Variants in PTPRD observed in about 807,000 individuals in gnomAD.
PTPRD encodes the protein protein tyrosine phosphatase receptor type D.
In PTPRD, 34 loss-of-function variants were observed where a neutral mutation model predicts 214.5. The ratio of observed to expected loss-of-function variants is 0.16; its 90% CI spans 0.12 to 0.21. The LOEUF (loss-of-function observed/expected upper bound fraction) is 0.21, where lower values mean the gene tolerates loss of function less well. Among genes scored for constraint, PTPRD ranks in the 10% least tolerant of loss-of-function variants. The probability of loss-of-function intolerance (pLI) is 1.00; values close to 1 mark genes in which losing one functional copy is unlikely to be tolerated. For synonymous variants in PTPRD, 1,128 were observed against 845.7 expected (o/e 1.33, Z -5.79); for missense variants, 2,545 against 2,398.7 (o/e 1.06, Z -1.27).
At position 8,353,964 on chromosome 9, in the gene PTPRD, GT is replaced by G. The variant is rs35377231; in HGVS notation, c.4662-11987del. On this transcript the variant is annotated intron_variant, in intron 39 of 45. Coordinates refer to ENST00000381196, the MANE Select transcript of PTPRD (RefSeq NM_002839.4). ...TATATATATATATATATATATATATGTTTTTTTTTTTTTGAGAAGGAGTCTC... is the reference window on the plus strand; with the variant it reads ...TATATATATATATATATATATATATGTTTTTTTTTTTTGAGAAGGAGTCTC... 2.5e-3 allele frequency among the ~76,000 whole-genome samples: 70 copies of G among 28,256 alleles called. 9 individuals are homozygous for G. The highest frequency in any genetic ancestry group is 2.4e-3 in the Non-Finnish European group (23 of 9,482). 18.5% of individuals were successfully genotyped at this position (28,256 alleles called of 152,430 possible).
intron 34 of PTPRD, among the ~76,000 whole-genome samples, chr9:8,437,541 T>C (rs1353471860): frequency 1.3e-5 from 2 of 152,156 alleles, no homozygotes; most frequent in African/African-American, 4.8e-5. Flanking sequence ...TTCAAAAATG[T>C]TTCCACTAGT....
chr9:10,266,566 T>A (rs2094073222), intron 3 of PTPRD, among the ~76,000 whole-genome samples: 1 of 152,186 alleles, frequency 6.6e-6, no homozygotes, highest in Non-Finnish European at 1.5e-5. Context: ...ATGGTATTAT[T>A]TTTACTGTAA....
chr9:8,662,814 A>T (rs2097091089), intron 12 of PTPRD, among the ~76,000 whole-genome samples: 1 of 152,160 alleles, frequency 6.6e-6, no homozygotes, highest in Non-Finnish European at 1.5e-5. Flanking sequence ...TTCTGAAAAC[A>T]ACTGTTTTAA....
chr9:10,106,458 G>A (rs529735193), intron 3 of PTPRD, among the ~76,000 whole-genome samples: 3 of 152,022 alleles, frequency 2.0e-5, no homozygotes, highest in East Asian at 3.9e-4. Flanking sequence ...GAAATGGTAT[G>A]CATAAAGAGG....
intron 12 of PTPRD, among the ~76,000 whole-genome samples, chr9:8,666,827 T>C (rs967610456): frequency 6.6e-6 from 1 of 152,152 alleles, no homozygotes; most frequent in African/African-American, 2.4e-5. Flanking sequence ...GATTCAACAA[T>C]ACATATCACT....
intron 2 of PTPRD, among the ~76,000 whole-genome samples, chr9:10,525,564 G>T (rs1305026254): frequency 2.6e-5 from 4 of 152,060 alleles, no homozygotes; most frequent in African/African-American, 9.7e-5. Context: ...TTTGCTTCTT[G>T]CTTTAGGCAA....
intron 12 of PTPRD, among the ~76,000 whole-genome samples, chr9:8,723,871 C>G (rs1184733252): frequency 6.6e-6 from 1 of 152,098 alleles, no homozygotes; most frequent in East Asian, 1.9e-4. Context: ...AGATTGTGTG[C>G]TATTTTTTAA....
chr9:10,533,394 T>C (rs892047184), intron 2 of PTPRD, among the ~76,000 whole-genome samples: 3 of 152,128 alleles, frequency 2.0e-5, no homozygotes, highest in Non-Finnish European at 4.4e-5. Context: ...AAAATATTCT[T>C]ATATTGTGTC....
intron 15 of PTPRD, 130 bp downstream of exon 15, chr9:8,528,461 C>A: frequency 2.5e-6 from 2 of 815,198 alleles, no homozygotes; most frequent in Non-Finnish European, 4.0e-6. Flanking sequence ...CATTAAGTAA[C>A]AGAGAAAGAG....
At position 8,587,476 on chromosome 9, in the gene PTPRD, G is replaced by T. The variant is rs994087710; in HGVS notation, c.352+45841C>A. Among the ~76,000 whole-genome samples, 186 of 152,278 alleles carry T rather than the reference G, an allele frequency of 1.2e-3. 1 individual carries two copies. Among genetic ancestry groups the T allele is most frequent in the African/African-American group, 3.8e-3 (160 of 41,566 alleles). ...CATATTGGCTTCTGCCACCGTTGTA[G>T]TTAAACAAACTTGTAGAATTCGAAA... On this transcript the variant is annotated intron_variant, in intron 14 of 45. Coordinates refer to ENST00000381196, the MANE Select transcript of PTPRD (RefSeq NM_002839.4).
rs574493845 is a variant in PTPRD, at chr9:8,689,207, T to C, written c.64+44573A>G. ...CACCTCTAATTGATACCAATATCAT[T>C]ATTAAAAAATAAAAATAAAAAATAA... On this transcript the variant is annotated intron_variant, in intron 12 of 45. Coordinates refer to ENST00000381196, the MANE Select transcript of PTPRD (RefSeq NM_002839.4). Among the ~76,000 whole-genome samples the C allele has an allele frequency of 1.6e-4, 25 of 152,290 alleles. No homozygotes were observed. The South Asian group carries it at 2.7e-3, about 16-fold the overall frequency.
chr9:9,587,286 T>C (rs566225561), intron 7 of PTPRD, among the ~76,000 whole-genome samples: 3 of 152,058 alleles, frequency 2.0e-5, no homozygotes, highest in African/African-American at 7.2e-5. Flanking sequence ...ATGTGCACAT[T>C]ACATGTGTTT....
At chr9:9,735,503 A>C (rs1468709444) in intron 6 of PTPRD, among the ~76,000 whole-genome samples, 1 of 152,082 alleles carries the variant, frequency 6.6e-6, no homozygotes, top group Non-Finnish European at 1.5e-5. Flanking sequence ...TGTGCATATG[A>C]ATATGTGTCT....
chr9:8,741,343 T>G (rs1164415482), intron 11 of PTPRD, among the ~76,000 whole-genome samples: 1 of 152,180 alleles, frequency 6.6e-6, no homozygotes, highest in Non-Finnish European at 1.5e-5. Context: ...ATGTCATAGC[T>G]TCTATCTAGT....
At chr9:10,142,975 G>C (rs1175222343) in intron 3 of PTPRD, among the ~76,000 whole-genome samples, 3 of 151,912 alleles carry the variant, frequency 2.0e-5, no homozygotes, top group Non-Finnish European at 4.4e-5. Flanking sequence ...GTCCTTTGTA[G>C]GGACATGGAT....
intron 11 of PTPRD, among the ~76,000 whole-genome samples, chr9:8,991,352 T>C (rs1302624249): frequency 6.6e-6 from 1 of 152,070 alleles, no homozygotes; most frequent in African/African-American, 2.4e-5. Flanking sequence ...CTATCTTTTG[T>C]TATAGGAGTG....
At chr9:10,284,885 T>C (rs1048870413) in intron 3 of PTPRD, among the ~76,000 whole-genome samples, 1 of 152,286 alleles carries the variant, frequency 6.6e-6, no homozygotes, top group Non-Finnish European at 1.5e-5. Context: ...ATGTAAGGAA[T>C]TGAGATTCAT....
intron 6 of PTPRD, among the ~76,000 whole-genome samples, chr9:9,735,597 C>T (rs2098278659): frequency 6.6e-6 from 1 of 152,044 alleles, no homozygotes; most frequent in African/African-American, 2.4e-5. Context: ...TAATTGGTAA[C>T]AAATCATCCC....
rs181128591 is a variant in PTPRD, at chr9:10,505,848, C to T, written c.-600+106550G>A. Among the ~76,000 whole-genome samples the T allele has an allele frequency of 5.8e-5, 8 of 137,782 alleles. No individual in the cohort carries two copies. The East Asian group carries it at 1.7e-3, about 30-fold the overall frequency. 90.4% of individuals were successfully genotyped at this position (137,782 alleles called of 152,430 possible). On this transcript the variant is annotated intron_variant, in intron 2 of 45. Transcript: ENST00000381196. ...CATAACAGAATTATGTTTTACATAA[C>T]ACTTTAACTTAAATTTTAAGCAATA...
Sources: gnomAD v4.1 joint callset for allele counts (sites outside exome capture counted in the v4.1 genomes callset) on GRCh38, gnomAD v4.1.1 for gene constraint, MANE v1.5 for transcripts, NCBI Gene and HGNC (gene_info 2026-07-23, HGNC 2026-07-21) for gene names.